CSMD2: variants seen among roughly 807,000 people sequenced by gnomAD.
CSMD2 encodes the protein CUB and Sushi multiple domains 2, also known as CUB and sushi domain-containing protein 2.
A neutral mutation model predicts 398.5 loss-of-function variants in CSMD2; 130 were observed. The observed-to-expected ratio is 0.33, with a 90% confidence interval of 0.28 to 0.38. The LOEUF (loss-of-function observed/expected upper bound fraction) is 0.38. CSMD2 is among the 10% of genes least tolerant of loss of function. The pLI is 1.00. For synonymous variants in CSMD2, 1,828 were observed against 1,908.5 expected (o/e 0.96, Z 1.10); for missense variants, 3,829 against 4,764.9 (o/e 0.80, Z 5.78).
At chr1:33,806,285 T>A (rs1309677172) in intron 10 of CSMD2, among the ~76,000 whole-genome samples, 1 of 152,196 alleles carries the variant, frequency 6.6e-6, no homozygotes, top group Non-Finnish European at 1.5e-5. Flanking sequence ...ATGTTTCCAC[T>A]GAGAATTCAC....
At chr1:33,706,529 T>C (rs1169126061) in intron 22 of CSMD2, among the ~76,000 whole-genome samples, 6 of 152,224 alleles carry the variant, frequency 3.9e-5, no homozygotes, top group Non-Finnish European at 8.8e-5. Context: ...GCTTTTAAAG[T>C]ATGTCTCTGT....
chr1:34,135,550 G>A (rs947942666), intron 1 of CSMD2, among the ~76,000 whole-genome samples: 15 of 149,440 alleles, frequency 1.0e-4, no homozygotes, highest in East Asian at 4.0e-4. Flanking sequence ...CCCGGGAGGC[G>A]GAGGTTGCCG....
rs1656264605 is a variant in CSMD2 at position 33,540,859 on chromosome 1, T to G, written c.9458-161A>C. ...CTTACTGTGGGAGTTCTGATCTTTT[T>G]GCACCTTACAATGCCCTCTCTCAAG... On this transcript the variant is annotated intron_variant, in intron 59 of 70. Transcript: ENST00000373381. 3.3e-5 allele frequency among the ~76,000 whole-genome samples: 5 copies of G among 152,174 alleles called. No individual in the cohort carries two copies. In the South Asian group the frequency reaches 1.0e-3, roughly 32 times the overall value.
At chr1:34,122,436 A>G (rs1407574450) in intron 1 of CSMD2, among the ~76,000 whole-genome samples, 1 of 151,862 alleles carries the variant, frequency 6.6e-6, no homozygotes, top group African/African-American at 2.4e-5. Context: ...TGTATCCAGA[A>G]CCTCTGTCTT....
chr1:34,060,005 G>A (rs907775495), intron 2 of CSMD2, among the ~76,000 whole-genome samples: 6 of 152,198 alleles, frequency 3.9e-5, no homozygotes, highest in African/African-American at 9.7e-5. Context: ...CCATGGCTGC[G>A]ATTGGCTCCT....
intron 3 of CSMD2, among the ~76,000 whole-genome samples, chr1:33,944,793 T>C (rs1644791136): frequency 6.6e-6 from 1 of 152,140 alleles, no homozygotes; most frequent in Non-Finnish European, 1.5e-5. Context: ...CAATGCAGGT[T>C]GGGATCAAAG....
At chr1:34,053,113 CCT>C (rs1249385293) in intron 2 of CSMD2, among the ~76,000 whole-genome samples, 1 of 152,180 alleles carries the variant, frequency 6.6e-6, no homozygotes, top group Non-Finnish European at 1.5e-5. Context: ...CTCATTTCTA[CCT>C]CTCTCTACTG....
intron 3 of CSMD2, among the ~76,000 whole-genome samples, chr1:34,001,278 C>T (rs1646892837): frequency 6.6e-6 from 1 of 152,120 alleles, no homozygotes; most frequent in Admixed American, 6.5e-5. Context: ...TCGACAAAAA[C>T]ATCCCTGAAA....
At chr1:33,836,518 G>A (rs1325371931) in intron 6 of CSMD2, among the ~76,000 whole-genome samples, 12 of 152,310 alleles carry the variant, frequency 7.9e-5, no homozygotes, top group African/African-American at 2.4e-4. Context: ...CACCCAGTTC[G>A]AGCTTCCCAG....
intron 2 of CSMD2, among the ~76,000 whole-genome samples, chr1:34,052,370 AGGGATATGGG>A (rs1187309712): frequency 6.6e-6 from 1 of 151,864 alleles, no homozygotes; most frequent in Non-Finnish European, 1.5e-5. Context: ...AGATGATTTA[AGGGATATGGG>A]AGGATATGGG....
At chr1:33,738,701 G>A (rs1424615695) in intron 15 of CSMD2, among the ~76,000 whole-genome samples, 5 of 152,134 alleles carry the variant, frequency 3.3e-5, no homozygotes, top group African/African-American at 1.2e-4. Context: ...GGCCGAGACT[G>A]GGAGACATCC....
intron 32 of CSMD2, among the ~76,000 whole-genome samples, chr1:33,631,321 A>G (rs1002667938): frequency 1.3e-5 from 2 of 152,182 alleles, no homozygotes; most frequent in African/African-American, 4.8e-5. Context: ...TAAAATATCA[A>G]CATTGATATT....
chr1:33,533,968 C>T lies in CSMD2; in HGVS notation c.9880-61G>A, dbSNP rs1256575565. ...TTTCAGCGGTGCTTCCTACGTCTGT[C>T]CCTTGACCACTTTCACATGGCCCAA... On this transcript the variant is annotated intron_variant, in intron 62 of 70. Transcript: ENST00000373381. The surrounding 1 kb of genome is among the most constrained non-coding windows in gnomAD (Gnocchi z 4.2). The T allele has an allele frequency of 2.9e-5, 30 of 1,035,106 alleles. No homozygotes were observed. The East Asian group carries it at 6.9e-4, about 24-fold the overall frequency. 64.1% of individuals were successfully genotyped at this position (1,035,106 alleles called of 1,614,324 possible).
At chr1:33,532,560 G>A (rs553083630) in intron 64 of CSMD2, among the ~76,000 whole-genome samples, 1 of 152,072 alleles carries the variant, frequency 6.6e-6, no homozygotes. Context: ...ATCTGATAAC[G>A]TGTCTGTCTT....
At chr1:33,700,422 A>T in intron 23 of CSMD2, 95 bp downstream of exon 23, 1 of 1,374,386 alleles carries the variant, frequency 7.3e-7, no homozygotes, top group Admixed American at 1.9e-5. Flanking sequence ...TTAAGAGCAC[A>T]TTCTTTGTAT....
chr1:33,726,290 G>A (rs1441658741), intron 16 of CSMD2, among the ~76,000 whole-genome samples: 1 of 152,146 alleles, frequency 6.6e-6, no homozygotes, highest in Non-Finnish European at 1.5e-5. Context: ...GCTGGGGAGG[G>A]GGGAGCTCTA....
chr1:34,104,352 C>A (rs945331978), intron 1 of CSMD2, among the ~76,000 whole-genome samples: 16 of 152,156 alleles, frequency 1.1e-4, no homozygotes, highest in Admixed American at 9.8e-4. Flanking sequence ...ATGTTGTCTA[C>A]AAATAATGAT....
intron 12 of CSMD2, among the ~76,000 whole-genome samples, chr1:33,776,407 G>A (rs1212295104): frequency 6.6e-6 from 1 of 152,156 alleles, no homozygotes; most frequent in African/African-American, 2.4e-5. Context: ...ATCCTGTGAT[G>A]ACACAGGCTC....
chr1:33,925,141 A>G (rs1490380010), intron 4 of CSMD2, among the ~76,000 whole-genome samples: 1 of 152,154 alleles, frequency 6.6e-6, no homozygotes, highest in African/African-American at 2.4e-5. Context: ...ATCTCCTGGA[A>G]TAACTCCCCT....
Sources: allele counts gnomAD v4.1 joint callset (sites outside exome capture counted in the v4.1 genomes callset), GRCh38; gene constraint gnomAD v4.1.1; non-coding constraint Gnocchi (gnomAD v3.1); transcripts MANE v1.5; gene names NCBI Gene and HGNC (gene_info 2026-07-23, HGNC 2026-07-21).